TIMP2: variants seen among roughly 807,000 people sequenced by gnomAD.
The protein encoded by TIMP2 is TIMP metallopeptidase inhibitor 2.
TIMP2 carries 5 observed loss-of-function variants against 24.3 expected under a neutral mutation model. That is an observed-to-expected ratio of 0.21 (90% CI 0.11 to 0.43). TIMP2 has a LOEUF of 0.43. Ranked by LOEUF, TIMP2 falls within the 20% of genes least tolerant of loss-of-function variation. The probability of loss-of-function intolerance (pLI) is 1.00; values close to 1 mark genes in which losing one functional copy is unlikely to be tolerated. For missense variants in TIMP2, 221 were observed against 297.5 expected (o/e 0.74, Z 1.89); for synonymous variants, 130 against 123.2 (o/e 1.06, Z -0.37).
rs571373710 is a variant in TIMP2 at position 78,915,231 on chromosome 17, A to C, written c.130+9728T>G. On this transcript the variant is annotated intron_variant, in intron 1 of 4. Transcript: ENST00000262768. The stretch of plus-strand genomic sequence containing the variant: ...CTTTTGAAAGTACTGTGCTCTGAAC[A>C]TTTTTCTAGGTCATAAACACAAATC... Among the ~76,000 whole-genome samples the C allele has an allele frequency of 5.3e-5, 8 of 152,160 alleles. No individual in the cohort carries two copies. In the South Asian group the frequency reaches 1.7e-3, roughly 32 times the overall value.
In TIMP2 at chr17:78,897,448, G is replaced by A. The variant is rs1188769784; in HGVS notation, c.131-23529C>T. The A allele has an allele frequency of 2.0e-5, 3 of 152,208 alleles. No individual in the cohort carries two copies. In the East Asian group the frequency reaches 5.8e-4, roughly 29 times the overall value. 9.4% of individuals were successfully genotyped at this position (152,208 alleles called of 1,614,324 possible). ...GTGCATAGTCCTGCGGCTAAGTCAG[G>A]GCGGTTGTAACAAAGGCTCAGACCC... On this transcript the variant is annotated intron_variant, in intron 1 of 4. Coordinates refer to ENST00000262768, the MANE Select transcript of TIMP2 (RefSeq NM_003255.5).
chr17:78,913,672 C>G (rs996642495), intron 1 of TIMP2, among the ~76,000 whole-genome samples: 1 of 152,012 alleles, frequency 6.6e-6, no homozygotes, highest in South Asian at 2.1e-4. Context: ...GATCATGCCA[C>G]TTTACTCCAG....
chr17:78,899,627 C>T (rs992107392), intron 1 of TIMP2: 10 of 152,266 alleles, frequency 6.6e-5, no homozygotes, highest in African/African-American at 2.4e-4. Context: ...CTGGGAGCCA[C>T]CCTAGCCTGG....
chr17:78,880,862 G>T (rs533256743), intron 1 of TIMP2, among the ~76,000 whole-genome samples: 1 of 152,324 alleles, frequency 6.6e-6, no homozygotes, highest in South Asian at 2.1e-4. Flanking sequence ...ACTCTGCCGG[G>T]CTCCCAGGCC....
chr17:78,863,237 T>A (rs1156874443), intron 3 of TIMP2, among the ~76,000 whole-genome samples: 1 of 152,164 alleles, frequency 6.6e-6, no homozygotes, highest in Non-Finnish European at 1.5e-5. Context: ...TTTATTTTTA[T>A]TTTTTATTTA....
chr17:78,898,487 G>A (rs1300495674), intron 1 of TIMP2: 2 of 152,578 alleles, frequency 1.3e-5, no homozygotes. Context: ...TGACAGGTGT[G>A]CTGAGCTTCT....
intron 3 of TIMP2, among the ~76,000 whole-genome samples, chr17:78,869,877 CATG>C (rs1567993383): frequency 6.6e-6 from 1 of 152,152 alleles, no homozygotes; most frequent in African/African-American, 2.4e-5. Flanking sequence ...ACCTTGAAAA[CATG>C]ATGCTACTGA....
At chr17:78,883,078 C>T (rs2069792878) in intron 1 of TIMP2, among the ~76,000 whole-genome samples, 1 of 152,224 alleles carries the variant, frequency 6.6e-6, no homozygotes, top group South Asian at 2.1e-4. Flanking sequence ...TGGGCAGGAA[C>T]CAGGCTCTTC....
At chr17:78,923,671 G>A (rs2070326886) in intron 1 of TIMP2, among the ~76,000 whole-genome samples, 1 of 76,872 alleles carries the variant, frequency 1.3e-5, no homozygotes. Flanking sequence ...CCCCAAACTG[G>A]GTTTTGTGGA....
At position 78,853,322 on chromosome 17, in the gene TIMP2, A is replaced by G. The variant is rs926975854; in HGVS notation, c.*2345T>C. The G allele has an allele frequency of 5.9e-5, 9 of 152,780 alleles. No individual in the cohort carries two copies. The East Asian group carries it at 1.3e-3, about 23-fold the overall frequency. The allele number at this position is 152,780 out of a possible 1,614,324, so 9.5% of individuals were successfully genotyped here. A position where few individuals can be genotyped will look rare whatever the true frequency, so the allele number is the denominator to read the frequency against. ...AGGAGAAGAGAGCTGTGCTTAGAACATAACATATAAATTAAACGATGCCAA... is the reference window on the plus strand; with the variant it reads ...AGGAGAAGAGAGCTGTGCTTAGAACGTAACATATAAATTAAACGATGCCAA... On this transcript the variant is annotated 3_prime_UTR_variant, in exon 5 of 5. Transcript: ENST00000262768.
intron 1 of TIMP2, chr17:78,890,840 G>A (rs1682648535): frequency 1.3e-6 from 2 of 1,550,614 alleles, no homozygotes; most frequent in Non-Finnish European, 1.7e-6. Context: ...CGTGGAGGAG[G>A]ACTTCAGATG....
intron 1 of TIMP2, chr17:78,899,934 G>T (rs927301279): frequency 2.0e-5 from 3 of 152,184 alleles, no homozygotes; most frequent in African/African-American, 4.8e-5. Context: ...CCGTTAGCTG[G>T]CATCGGCCAG....
intron 1 of TIMP2, among the ~76,000 whole-genome samples, chr17:78,918,713 T>C (rs1427369183): frequency 1.3e-5 from 2 of 152,072 alleles, no homozygotes; most frequent in Admixed American, 6.6e-5. Flanking sequence ...AAAAAGTATA[T>C]ATAGGCCGGG....
intron 2 of TIMP2, among the ~76,000 whole-genome samples, chr17:78,871,504 C>T (rs2069684824): frequency 1.3e-5 from 2 of 149,646 alleles, no homozygotes; most frequent in Admixed American, 1.3e-4. Context: ...CAAAGTGATT[C>T]TTTGGAGTCA....
chr17:78,888,166 T>C (rs963996547), intron 1 of TIMP2, among the ~76,000 whole-genome samples: 1 of 151,538 alleles, frequency 6.6e-6, no homozygotes, highest in Non-Finnish European at 1.5e-5. Flanking sequence ...TTTTTTTTTT[T>C]TTTCCTTTTT....
chr17:78,918,887 G>A (rs1467726960), intron 1 of TIMP2, among the ~76,000 whole-genome samples: 1 of 151,898 alleles, frequency 6.6e-6, no homozygotes, highest in Non-Finnish European at 1.5e-5. Flanking sequence ...AGACTGAGGT[G>A]GGAGAATCGC....
intron 1 of TIMP2, chr17:78,898,653 G>A (rs2070040401): frequency 6.6e-6 from 1 of 152,244 alleles, no homozygotes; most frequent in African/African-American, 2.4e-5. Context: ...GGTGAGACCT[G>A]GCCATGGTGC....
intron 1 of TIMP2, among the ~76,000 whole-genome samples, chr17:78,917,034 A>G (rs990161501): frequency 6.6e-6 from 1 of 152,132 alleles, no homozygotes; most frequent in Non-Finnish European, 1.5e-5. Flanking sequence ...GATGGGCACC[A>G]TGGCTTTGGA....
At chr17:78,911,175 T>C (rs941202811) in intron 1 of TIMP2, among the ~76,000 whole-genome samples, 1 of 152,074 alleles carries the variant, frequency 6.6e-6, no homozygotes, top group Non-Finnish European at 1.5e-5. Context: ...GAGGGAAGAA[T>C]GGTGGCAGAG....
Sources: allele counts gnomAD v4.1 joint callset (sites outside exome capture counted in the v4.1 genomes callset), GRCh38; gene constraint gnomAD v4.1.1; transcripts MANE v1.5; gene names NCBI Gene and HGNC (gene_info 2026-07-23, HGNC 2026-07-21).